The following ANK3 variants were observed in gnomAD, a reference collection of about 807,000 sequenced individuals.
ANK3 encodes the protein ankyrin-3.
Under a neutral mutation model 370.9 loss-of-function variants are expected in ANK3, and 57 were observed. The ratio of observed to expected loss-of-function variants is 0.15; its 90% CI spans 0.12 to 0.19. ANK3 has a LOEUF of 0.19. ANK3 is among the 10% of genes least tolerant of loss of function. ANK3 has a pLI of 1.00. For synonymous variants in ANK3, 1,929 were observed against 1,946.3 expected (o/e 0.99, Z 0.23); for missense variants, 4,439 against 5,302.1 (o/e 0.84, Z 5.06).
chr10:60,181,142 A>G (rs1246958663), intron 18 of ANK3, among the ~76,000 whole-genome samples, 187 bp downstream of exon 18: 2 of 152,214 alleles, frequency 1.3e-5, no homozygotes, highest in Non-Finnish European at 2.9e-5. Flanking sequence ...CAGGCCGTTA[A>G]AGACAAAAGT....
Position 60,085,242 on chromosome 10 carries a change from G to A in ANK3, c.3760C>T (p.Pro1254Ser). The A allele has an allele frequency of 6.2e-7, 1 of 1,612,244 alleles. No homozygotes were observed. The highest frequency in any genetic ancestry group is 8.5e-7 in the Non-Finnish European group (1 of 1,179,146). ...LLCSITGGTS[P>S]AQWEDITGTT... ...CCTGTGATGTCTTCCCACTGAGCAG[G>A]CGAAGTGCCCCCTGAGAGAACAACA... Residue 1254 changes from proline to serine, a missense_variant, in exon 31 of 44, where the codon CCT (proline) becomes TCT (serine). Pro to Ser is a moderately conservative substitution (Grantham distance 74). Transcript: ENST00000280772.
intron 7 of ANK3, among the ~76,000 whole-genome samples, chr10:60,249,768 C>T (rs1331661853): frequency 6.6e-5 from 10 of 152,170 alleles, no homozygotes; most frequent in Non-Finnish European, 1.2e-4. Context: ...CATCAGTGGC[C>T]GATACCCCAT....
chr10:60,365,319 A>G (rs2059245785), intron 1 of ANK3, among the ~76,000 whole-genome samples: 1 of 152,092 alleles, frequency 6.6e-6, no homozygotes, highest in Non-Finnish European at 1.5e-5. Context: ...TGCTTTGAAG[A>G]TTACTCCCAA....
intron 1 of ANK3, among the ~76,000 whole-genome samples, chr10:60,637,426 A>G (rs2078569889): frequency 6.6e-6 from 1 of 152,238 alleles, no homozygotes; most frequent in Admixed American, 6.5e-5. Flanking sequence ...AAGTACTTTC[A>G]TACAATGCCA....
intron 1 of ANK3, among the ~76,000 whole-genome samples, chr10:60,375,937 G>C (rs1194481235): frequency 6.6e-6 from 1 of 152,164 alleles, no homozygotes; most frequent in East Asian, 1.9e-4. Flanking sequence ...TGGGGAAGTG[G>C]GAGGAATTAA....
At chr10:60,448,005 G>T (rs1278788448) in intron 2 of ANK3, among the ~76,000 whole-genome samples, 1 of 152,158 alleles carries the variant, frequency 6.6e-6, no homozygotes, top group Admixed American at 6.5e-5. Context: ...GGGCAGATAG[G>T]CTCCCCCTGC....
chr10:60,478,564 G>A (rs2075130389), intron 2 of ANK3, among the ~76,000 whole-genome samples: 1 of 152,050 alleles, frequency 6.6e-6, no homozygotes, highest in African/African-American at 2.4e-5. Context: ...AATTATTGCT[G>A]AGAACAAAGA....
intron 42 of ANK3, chr10:60,043,121 T>A: frequency 9.8e-7 from 1 of 1,017,976 alleles, no homozygotes; most frequent in Non-Finnish European, 1.2e-6. Context: ...GATTCAGACT[T>A]CTTAGTTAAG....
At chr10:60,210,059 C>T (rs1170842248) in intron 9 of ANK3, among the ~76,000 whole-genome samples, 1 of 152,014 alleles carries the variant, frequency 6.6e-6, no homozygotes, top group African/African-American at 2.4e-5. Context: ...TCTTGAAGAA[C>T]GGGTCAGATG....
At chr10:60,265,521 C>T (rs2097862984) in intron 5 of ANK3, among the ~76,000 whole-genome samples, 1 of 152,096 alleles carries the variant, frequency 6.6e-6, no homozygotes, top group African/African-American at 2.4e-5. Flanking sequence ...CTAGGACTGG[C>T]TCACAAATTG....
chr10:60,328,181 C>T (rs1172244501), intron 1 of ANK3, among the ~76,000 whole-genome samples: 2 of 152,202 alleles, frequency 1.3e-5, no homozygotes, highest in Admixed American at 6.5e-5. Context: ...TGAGAGACAA[C>T]AATTGAAACA....
At chr10:60,194,871 G>T (rs2132397301) in intron 16 of ANK3, among the ~76,000 whole-genome samples, 1 of 152,220 alleles carries the variant, frequency 6.6e-6, no homozygotes, top group South Asian at 2.1e-4. Flanking sequence ...TTCTGGAGAG[G>T]ATGGGGCAGA....
At chr10:60,032,191 C>CTTCTTTTTTTTTT (rs533636907) in intron 43 of ANK3, among the ~76,000 whole-genome samples, 1 of 57,936 alleles carries the variant, frequency 1.7e-5, no homozygotes, top group Non-Finnish European at 4.1e-5. Flanking sequence ...AAATACACAG[C>CTTCTTTTTTTTTT]TTCTTTTTTT....
At chr10:60,272,484 GT>G (rs11368213) in intron 4 of ANK3, among the ~76,000 whole-genome samples, 107,047 of 147,182 alleles carry the variant, frequency 0.73, 38,798 homozygotes, top group South Asian at 0.89. Flanking sequence ...GTTCTTGTTT[GT>G]TTTTTTTTTG....
intron 2 of ANK3, among the ~76,000 whole-genome samples, chr10:60,402,485 GGAGACTGAAATAAAT>G (rs1439318938): frequency 1.3e-5 from 2 of 152,098 alleles, no homozygotes; most frequent in Non-Finnish European, 2.9e-5. Context: ...TTAACATGCA[GGAGACTGAAATAAAT>G]GATCCTATAT....
chr10:60,635,747 A>G (rs1315012198), intron 1 of ANK3, among the ~76,000 whole-genome samples: 1 of 152,064 alleles, frequency 6.6e-6, no homozygotes, highest in Non-Finnish European at 1.5e-5. Flanking sequence ...ATACCTGAAG[A>G]ATCAGATTAA....
At chr10:60,244,451 A>G (rs1487999352) in intron 7 of ANK3, among the ~76,000 whole-genome samples, 1 of 152,226 alleles carries the variant, frequency 6.6e-6, no homozygotes, top group African/African-American at 2.4e-5. Flanking sequence ...CTAAAATAAT[A>G]AAAGTTGAGA....
In ANK3 at chr10:60,076,262, A is replaced by G; in HGVS notation, c.4619T>C (p.Ile1540Thr). 3 of 1,614,170 alleles carry G rather than the reference A, an allele frequency of 1.9e-6. No individual in the cohort carries two copies. Among genetic ancestry groups the G allele is most frequent in the South Asian group, 1.1e-5 (1 of 91,084 alleles). ...NTPSASPLKS[I>T]WSVSTPSPIK... ...TGGAGAAGGTGTCGAAACAGACCATATTGATTTTAACGGAGAAGCTGATGG... is the reference window on the plus strand; with the variant it reads ...TGGAGAAGGTGTCGAAACAGACCATGTTGATTTTAACGGAGAAGCTGATGG... Residue 1540 changes from isoleucine to threonine, a missense_variant, in exon 37 of 44, where the codon ATA (isoleucine) becomes ACA (threonine). Ile to Thr is a moderately conservative substitution (Grantham distance 89). Around this residue, in one of 13 missense-constraint regions of ANK3, gnomAD observed 679 missense variants for 791.0 expected, o/e 0.86. Transcript: ENST00000280772.
chr10:60,093,558 A>G (rs534057317), intron 28 of ANK3, among the ~76,000 whole-genome samples: 6 of 152,296 alleles, frequency 3.9e-5, no homozygotes, highest in Non-Finnish European at 7.4e-5. Context: ...TTTGTGTGTG[A>G]GAGAGTTCTG....
Sources: allele counts gnomAD v4.1 joint callset (sites outside exome capture counted in the v4.1 genomes callset), GRCh38; gene constraint gnomAD v4.1.1; regional missense constraint gnomAD v4.1.1; transcripts MANE v1.5; gene names NCBI Gene and HGNC (gene_info 2026-07-23, HGNC 2026-07-21).